ANKFN1: variants seen among roughly 807,000 people sequenced by gnomAD.
ANKFN1 encodes the protein ankyrin repeat and fibronectin type-III domain-containing protein 1.
ANKFN1 carries 74 observed loss-of-function variants against 108.7 expected under a neutral mutation model. The observed-to-expected ratio is 0.68, with a 90% confidence interval of 0.56 to 0.83. The LOEUF is 0.83. Ranked by LOEUF, ANKFN1 falls within the 40% of genes least tolerant of loss-of-function variation. ANKFN1 has a pLI of 0.00. For synonymous variants in ANKFN1, 547 were observed against 516.2 expected (o/e 1.06, Z -0.81); for missense variants, 1,505 against 1,382.3 (o/e 1.09, Z -1.41).
rs559950022 is a variant in ANKFN1 at position 56,143,305 on chromosome 17, C to T, written c.289-84612C>T. ...CACAGAAGGGATTCCAGGATCCTGC[C>T]AACACTCAAGTGCCAAAGTTGGAGT... On this transcript the variant is annotated intron_variant, in intron 4 of 12. Transcript: ENST00000635860. 4.6e-5 allele frequency among the ~76,000 whole-genome samples: 7 copies of T among 152,204 alleles called. No homozygotes were observed. In the South Asian group the frequency reaches 8.3e-4, roughly 18 times the overall value.
At chr17:56,301,748 T>C (rs928017752) in intron 3 of ANKFN1, among the ~76,000 whole-genome samples, 1 of 152,182 alleles carries the variant, frequency 6.6e-6, no homozygotes, top group Non-Finnish European at 1.5e-5. Flanking sequence ...GAAGAATAAT[T>C]GATAAGCATG....
intron 6 of ANKFN1, among the ~76,000 whole-genome samples, chr17:56,355,509 T>G (rs2046353136): frequency 6.6e-6 from 1 of 152,170 alleles, no homozygotes; most frequent in Non-Finnish European, 1.5e-5. Context: ...GACCAGATTA[T>G]GCAGGACCCT....
intron 4 of ANKFN1, among the ~76,000 whole-genome samples, chr17:56,141,721 G>A (rs1420997321): frequency 6.6e-6 from 1 of 152,040 alleles, no homozygotes; most frequent in Non-Finnish European, 1.5e-5. Flanking sequence ...TTCCAGTGCA[G>A]TTTGAATTTC....
chr17:56,051,504 G>T (rs1437439421), intron 4 of ANKFN1, among the ~76,000 whole-genome samples: 1 of 133,920 alleles, frequency 7.5e-6, no homozygotes, highest in African/African-American at 2.9e-5. Flanking sequence ...TTTGAAAACT[G>T]GCACAAGACA....
intron 4 of ANKFN1, among the ~76,000 whole-genome samples, chr17:56,068,554 C>G (rs1223938572): frequency 6.6e-6 from 1 of 152,130 alleles, no homozygotes; most frequent in Non-Finnish European, 1.5e-5. Context: ...GCTCACCAGC[C>G]CCAGGGCACA....
intron 4 of ANKFN1, among the ~76,000 whole-genome samples, chr17:56,083,884 G>T (rs1905277516): frequency 1.3e-5 from 2 of 151,364 alleles, no homozygotes; most frequent in Admixed American, 1.3e-4. Context: ...CAATGTAAAT[G>T]ACATGCTTAG....
intron 3 of ANKFN1, among the ~76,000 whole-genome samples, chr17:56,254,955 T>TCAGA (rs1378230145): frequency 6.6e-6 from 1 of 152,142 alleles, no homozygotes; most frequent in Non-Finnish European, 1.5e-5. Context: ...CCTCCAGCCA[T>TCAGA]CAGACCAGTC....
rs574485004 is a variant in ANKFN1, at chr17:56,233,719, C to T, written c.53+5762C>T. On this transcript the variant is annotated intron_variant, in intron 3 of 20. Transcript: ENST00000682825. The stretch of plus-strand genomic sequence containing the variant: ...AGATGTGTATGTTTGCCTGTGTGTA[C>T]GTGTGTGTACATTATATATTATATA... Among the ~76,000 whole-genome samples the T allele has an allele frequency of 1.7e-3, 251 of 151,666 alleles. 1 individual carries two copies. Among genetic ancestry groups the T allele is most frequent in the Non-Finnish European group, 2.8e-3 (189 of 67,896 alleles).
intron 1 of ANKFN1, among the ~76,000 whole-genome samples, chr17:56,179,097 T>C (rs2143614906): frequency 6.6e-6 from 1 of 152,318 alleles, no homozygotes; most frequent in East Asian, 1.9e-4. Context: ...TATCAGTTTT[T>C]TGAGGGTGGT....
At chr17:56,494,291 A>C (rs892033458) in intron 19 of ANKFN1, among the ~76,000 whole-genome samples, 2 of 152,212 alleles carry the variant, frequency 1.3e-5, no homozygotes, top group Admixed American at 1.3e-4. Flanking sequence ...TGTAGAATTT[A>C]AACATTCAAA....
At position 56,167,154 on chromosome 17, in the gene ANKFN1, T is replaced by C. The variant is rs182968374; in HGVS notation, c.-71+13624T>C. 2.2e-3 allele frequency among the ~76,000 whole-genome samples: 332 copies of C among 151,452 alleles called. 2 individuals are homozygous for C. The highest frequency in any genetic ancestry group is 1.8e-3 in the Non-Finnish European group (122 of 67,866). ...TAAATATACATATACACATAAATAT[T>C]ATATGTTAAACATGCTATATAAACA... On this transcript the variant is annotated intron_variant, in intron 1 of 20. Transcript: ENST00000682825.
In ANKFN1 at chr17:56,514,202, G is replaced by C. The variant is rs551378246; in HGVS notation, c.*2933G>C. On this transcript the variant is annotated 3_prime_UTR_variant, in exon 21 of 21. Coordinates refer to ENST00000682825, the MANE Select transcript of ANKFN1 (RefSeq NM_001370326.1). ...CATGCTTGATCAGCTTTCATCATTT[G>C]TGAAAATCCTCAAAAATCCTTGACT... is the stretch of plus-strand genomic sequence containing the variant. Among the ~76,000 whole-genome samples the C allele has an allele frequency of 6.6e-6, 1 of 152,094 alleles. No individual in the cohort carries two copies. The highest frequency in any genetic ancestry group is 2.1e-4 in the South Asian group (1 of 4,820).
chr17:56,144,182 A>ACT (rs1420739125), intron 4 of ANKFN1, among the ~76,000 whole-genome samples: 969 of 69,960 alleles, frequency 0.014, 139 homozygotes, highest in Non-Finnish European at 0.024. Flanking sequence ...AAAAAAAAAA[A>ACT]AAACAGCCCA....
In ANKFN1 at chr17:56,307,469, A is replaced by G. The variant is rs577511743; in HGVS notation, c.54-18752A>G. 3.9e-5 allele frequency among the ~76,000 whole-genome samples: 6 copies of G among 152,390 alleles called. No homozygotes were observed. The East Asian group carries it at 1.2e-3, about 29-fold the overall frequency. On this transcript the variant is annotated intron_variant, in intron 3 of 20. Coordinates refer to ENST00000682825, the MANE Select transcript of ANKFN1 (RefSeq NM_001370326.1). ...AGACATTTATGCAGCCAAAAGACACATGAGAAAATGCTCATCATCACTGGC... is the reference window on the plus strand; with the variant it reads ...AGACATTTATGCAGCCAAAAGACACGTGAGAAAATGCTCATCATCACTGGC...
chr17:56,226,489 A>T (rs1916282987), intron 2 of ANKFN1, among the ~76,000 whole-genome samples: 1 of 152,140 alleles, frequency 6.6e-6, no homozygotes, highest in East Asian at 1.9e-4. Flanking sequence ...TTTAATAAGG[A>T]TGTTGATTGG....
intron 3 of ANKFN1, among the ~76,000 whole-genome samples, chr17:56,253,049 G>A (rs2043274104): frequency 1.3e-5 from 2 of 152,114 alleles, no homozygotes; most frequent in African/African-American, 2.4e-5. Context: ...GTGACAGAGC[G>A]AGACCTTGTC....
At chr17:56,166,072 A>G (rs936837691) in intron 1 of ANKFN1, among the ~76,000 whole-genome samples, 6 of 152,186 alleles carry the variant, frequency 3.9e-5, no homozygotes, top group African/African-American at 1.4e-4. Context: ...CCAATAGTTC[A>G]AATGCACTAG....
intron 4 of ANKFN1, among the ~76,000 whole-genome samples, chr17:56,348,376 A>C (rs965762867): frequency 6.6e-6 from 1 of 152,108 alleles, no homozygotes; most frequent in African/African-American, 2.4e-5. Flanking sequence ...GGACCACCTT[A>C]AAAGGATCTA....
chr17:56,165,633 A>C (rs1418593798), intron 1 of ANKFN1, among the ~76,000 whole-genome samples: 1 of 152,146 alleles, frequency 6.6e-6, no homozygotes, highest in Non-Finnish European at 1.5e-5. Context: ...CCAAACGTTC[A>C]GATGTTGGAC....
Sources: gnomAD v4.1 joint callset for allele counts (sites outside exome capture counted in the v4.1 genomes callset) on GRCh38, gnomAD v4.1.1 for gene constraint, MANE v1.5 for transcripts, NCBI Gene and HGNC (gene_info 2026-07-23, HGNC 2026-07-21) for gene names.